ZNF541: variants seen among roughly 807,000 people sequenced by gnomAD.
ZNF541 encodes the protein zinc finger protein 541.
ZNF541 carries 23 observed loss-of-function variants against 123.5 expected under a neutral mutation model. The observed-to-expected ratio is 0.19, with a 90% CI of 0.13 to 0.26. The LOEUF (loss-of-function observed/expected upper bound fraction) is 0.26. Ranked by LOEUF, ZNF541 falls within the 10% of genes least tolerant of loss-of-function variation. The pLI, the probability that ZNF541 is intolerant of heterozygous loss-of-function variation, is 1.00. For synonymous variants in ZNF541, 751 were observed against 754.5 expected (o/e 1.00, Z 0.08); for missense variants, 1,612 against 1,789.9 (o/e 0.90, Z 1.79).
rs775133791 is a variant in ZNF541 at position 47,539,847 on chromosome 19, C to T, written c.2654G>A (p.Arg885Lys). The T allele has an allele frequency of 8.5e-6, 13 of 1,522,266 alleles. No individual in the cohort carries two copies. Among genetic ancestry groups the T allele is most frequent in the Non-Finnish European group, 1.1e-5 (13 of 1,139,288 alleles). 94.3% of individuals were successfully genotyped at this position (1,522,266 alleles called of 1,614,324 possible). A position where few individuals can be genotyped will look rare whatever the true frequency, so the allele number is the denominator to read the frequency against. Residue 885 changes from arginine to lysine, a missense_variant, in exon 8 of 17, where the codon AGA becomes AAA. Arg to Lys is a conservative substitution (Grantham distance 26). Around this residue, in one of 5 missense-constraint regions of ZNF541, gnomAD observed 1,080 missense variants for 1,013.8 expected, o/e 1.07. Transcript: ENST00000391901. The part of the protein sequence containing the change: ...VFGTEFCKPL[R>K]QVLRPEGDRH... ...GTCCCCTTCTGGCCTCAGCACCTGT[C>T]TTAGCGGCTTGCAAAACTCTGTGCC...
chr19:47,565,903 G>A (rs367729756), intron 2 of ZNF541, among the ~76,000 whole-genome samples: 18 of 152,024 alleles, frequency 1.2e-4, no homozygotes, highest in African/African-American at 3.6e-4. Context: ...TCAGCCCAGC[G>A]CAGTGGCTCA....
chr19:47,530,871 G>A (rs755284769), intron 12 of ZNF541, among the ~76,000 whole-genome samples: 37 of 151,550 alleles, frequency 2.4e-4, no homozygotes, highest in Non-Finnish European at 4.4e-4. Context: ...GGCTGGTCTC[G>A]AACTCCTGAG....
At chr19:47,542,240 T>A (rs1970112335) in intron 5 of ZNF541, among the ~76,000 whole-genome samples, 1 of 151,910 alleles carries the variant, frequency 6.6e-6, no homozygotes, top group Non-Finnish European at 1.5e-5. Context: ...AGGGCGAGAT[T>A]GTGGGTGACA....
chr19:47,563,876 G>A (rs1157499046), intron 2 of ZNF541, among the ~76,000 whole-genome samples: 1 of 152,100 alleles, frequency 6.6e-6, no homozygotes, highest in African/African-American at 2.4e-5. Context: ...AAAGTGCTGG[G>A]ATTACAGGCA....
intron 8 of ZNF541, 148 bp from the exon 9 acceptor site, chr19:47,538,587 G>T: frequency 1.3e-6 from 1 of 775,474 alleles, no homozygotes; most frequent in Non-Finnish European, 2.0e-6. Flanking sequence ...GGCCACACCT[G>T]AGCCAGACCT....
chr19:47,525,263 C>A (rs1216358043), intron 14 of ZNF541, among the ~76,000 whole-genome samples: 5 of 150,156 alleles, frequency 3.3e-5, no homozygotes, highest in Non-Finnish European at 5.9e-5. Flanking sequence ...CCAGCCTGGG[C>A]AACGAGAGTG....
chr19:47,569,334 C>T (rs888632405), intron 2 of ZNF541, among the ~76,000 whole-genome samples: 1 of 152,024 alleles, frequency 6.6e-6, no homozygotes, highest in Non-Finnish European at 1.5e-5. Context: ...TGTATGTCAT[C>T]GTATTTAATT....
intron 9 of ZNF541, among the ~76,000 whole-genome samples, chr19:47,534,463 T>G (rs1479730632): frequency 6.6e-6 from 1 of 151,934 alleles, no homozygotes; most frequent in African/African-American, 2.4e-5. Flanking sequence ...CCAGCCTGGC[T>G]AACATAACAA....
intron 14 of ZNF541, among the ~76,000 whole-genome samples, chr19:47,526,137 T>C (rs1449645186): frequency 6.6e-6 from 1 of 152,118 alleles, no homozygotes; most frequent in East Asian, 1.9e-4. Flanking sequence ...AGCATGGATC[T>C]GGATAAATGA....
intron 9 of ZNF541, among the ~76,000 whole-genome samples, chr19:47,537,921 C>G (rs1251994781): frequency 6.6e-6 from 1 of 152,110 alleles, no homozygotes; most frequent in African/African-American, 2.4e-5. Context: ...GAAGCATGGT[C>G]AGGCTAAATG....
At chr19:47,532,073 G>A in intron 11 of ZNF541, 55 bp downstream of exon 11, 1 of 1,541,910 alleles carries the variant, frequency 6.5e-7, no homozygotes, top group Non-Finnish European at 8.8e-7. Context: ...AAAACACCCT[G>A]GAAATGGAGG....
At chr19:47,547,854 C>G in intron 4 of ZNF541, among the ~76,000 whole-genome samples, 1 of 151,474 alleles carries the variant, frequency 6.6e-6, no homozygotes, top group East Asian at 2.0e-4. Flanking sequence ...TCACGCAGAT[C>G]ACTTGAGAAA....
At chr19:47,548,468 A>G (rs1476924367) in intron 4 of ZNF541, among the ~76,000 whole-genome samples, 2 of 151,704 alleles carry the variant, frequency 1.3e-5, no homozygotes, top group Non-Finnish European at 2.9e-5. Flanking sequence ...AAAAGAAAAA[A>G]AAAGAAAAAC....
Position 47,544,765 on chromosome 19 carries a change from G to A in ZNF541, c.1764C>T (p.Ala588=). 4 of 1,507,768 alleles carry A rather than the reference G, an allele frequency of 2.7e-6. No homozygotes were observed. The highest frequency in any genetic ancestry group is 3.5e-6 in the Non-Finnish European group (4 of 1,130,740). The allele number at this position is 1,507,768 out of a possible 1,614,324, so 93.4% of individuals were successfully genotyped here. A position where few individuals can be genotyped will look rare whatever the true frequency, so the allele number is the denominator to read the frequency against. The part of the protein sequence containing the change: ...SQLPAPEGKP[A]ALRPLQGPWP... ...ACGGCCCCTGCAGCGGCCTCAGGGC[G>A]GCTGGTTTGCCCTCGGGCGCAGGGA... Residue 588 remains alanine (A), a synonymous_variant, in exon 5 of 17, where the codon GCC becomes GCT. Coordinates refer to ENST00000391901, the MANE Select transcript of ZNF541 (RefSeq NM_001277075.3).
chr19:47,562,649 CA>C (rs912935880), intron 2 of ZNF541, among the ~76,000 whole-genome samples: 7 of 152,082 alleles, frequency 4.6e-5, no homozygotes, highest in Admixed American at 3.9e-4. Flanking sequence ...AGTTTTTCAG[CA>C]AAAAATTATG....
In ZNF541 at chr19:47,545,262, G is replaced by A. The variant is rs760543880; in HGVS notation, c.1267C>T (p.Pro423Ser). Reference protein sequence around the residue: ...FQWLRNLPGCPKSKGNNVFVV... With the variant: ...FQWLRNLPGCSKSKGNNVFVV... ...AACACGTTGTTGCCTTTGCTTTTGG[G>A]ACAGCCCGGCAGGTTCCGGAGCCAC... is the stretch of plus-strand genomic sequence containing the variant. Residue 423 changes from proline (P) to serine (S), a missense_variant, in exon 5 of 17, where the codon CCC becomes TCC. This residue lies in a region of ZNF541 where 1,080 missense variants were observed against 1,013.8 expected (regional missense o/e 1.07). Transcript: ENST00000391901. The surrounding 1 kb of genome is among the most constrained non-coding windows in gnomAD (Gnocchi z 7.5). 77 of 1,549,048 alleles carry A rather than the reference G, an allele frequency of 5.0e-5. No individual in the cohort carries two copies. The Middle Eastern group carries it at 6.7e-4, about 13-fold the overall frequency.
chr19:47,551,287 A>T (rs1409182883), intron 3 of ZNF541, among the ~76,000 whole-genome samples: 1 of 151,982 alleles, frequency 6.6e-6, no homozygotes, highest in African/African-American at 2.4e-5. Flanking sequence ...TGATCCACCC[A>T]CCTCAGCCTC....
chr19:47,527,191 G>T (rs1248954632), intron 14 of ZNF541, among the ~76,000 whole-genome samples: 1 of 152,198 alleles, frequency 6.6e-6, no homozygotes, highest in Non-Finnish European at 1.5e-5. Flanking sequence ...AATGGGGAGT[G>T]ATTACTATGT....
intron 9 of ZNF541, among the ~76,000 whole-genome samples, chr19:47,535,786 G>A (rs997780690): frequency 6.7e-5 from 10 of 149,930 alleles, no homozygotes; most frequent in African/African-American, 2.4e-4. Flanking sequence ...GAAATGGCAT[G>A]GTCTCGGCTT....
Sources: gnomAD v4.1 joint callset for allele counts (sites outside exome capture counted in the v4.1 genomes callset) on GRCh38, gnomAD v4.1.1 for gene constraint, gnomAD v4.1.1 regional missense constraint, Gnocchi (gnomAD v3.1) non-coding constraint, MANE v1.5 for transcripts, NCBI Gene and HGNC (gene_info 2026-07-23, HGNC 2026-07-21) for gene names.